The following PLEKHA7 variants were observed in gnomAD, a reference collection of about 807,000 sequenced individuals.
The protein encoded by PLEKHA7 is pleckstrin homology domain containing A7, also known as pleckstrin homology domain-containing family A member 7.
Under a neutral mutation model 170.0 loss-of-function variants are expected in PLEKHA7, and 104 were observed. That is an observed-to-expected ratio of 0.61 (90% CI 0.52 to 0.72). PLEKHA7 has a LOEUF of 0.72. Ranked by LOEUF, PLEKHA7 falls within the 30% of genes least tolerant of loss-of-function variation. The probability of loss-of-function intolerance (pLI) is 0.00; values close to 1 mark genes in which losing one functional copy is unlikely to be tolerated. For synonymous variants in PLEKHA7, 648 were observed against 660.8 expected (o/e 0.98, Z 0.30); for missense variants, 1,615 against 1,671.7 (o/e 0.97, Z 0.59).
chr11:16,959,080 TTTTTG>T lies in PLEKHA7; in HGVS notation c.221+54904_221+54908del, dbSNP rs1861884284. On this transcript the variant is annotated intron_variant, in intron 3 of 26. Transcript: ENST00000531066. ...ACACCACTGTTGTTTCGTTTTTTGT[TTTTTG>T]TTTTAACTTTTATTTTAGGTTTGTG... is the stretch of plus-strand genomic sequence containing the variant. 3.3e-5 allele frequency among the ~76,000 whole-genome samples: 5 copies of T among 152,336 alleles called. No homozygotes were observed. The South Asian group carries it at 1.0e-3, about 32-fold the overall frequency.
intron 3 of PLEKHA7, among the ~76,000 whole-genome samples, chr11:16,969,913 T>C (rs1862605315): frequency 3.3e-5 from 5 of 152,182 alleles, no homozygotes; most frequent in Admixed American, 3.3e-4. Context: ...AGCTTACTAG[T>C]ACATACACTA....
intron 3 of PLEKHA7, among the ~76,000 whole-genome samples, chr11:16,874,935 G>C (rs531945320): frequency 6.6e-6 from 1 of 152,122 alleles, no homozygotes; most frequent in South Asian, 2.1e-4. Context: ...TGGGCTCCCC[G>C]TCCCAACCTG....
chr11:16,906,292 T>C (rs1026064046), intron 3 of PLEKHA7, among the ~76,000 whole-genome samples: 13 of 78,876 alleles, frequency 1.6e-4, no homozygotes, highest in Admixed American at 1.2e-3. Flanking sequence ...AGAAAGAAAA[T>C]TGGAAAGGCT....
intron 3 of PLEKHA7, among the ~76,000 whole-genome samples, chr11:17,002,811 C>G (rs1041066363): frequency 2.0e-5 from 3 of 151,930 alleles, no homozygotes; most frequent in Non-Finnish European, 4.4e-5. Flanking sequence ...AGAGGTAAAC[C>G]AGGGGCCACT....
chr11:16,786,400 CA>C lies in PLEKHA7; in HGVS notation c.3358-14del. ...GCTCACGCTTCCACTGGCAACAGAA[CA>C]AGAGGTTAAACGTAGTCGCTTCCTG... On this transcript the variant is annotated splice_polypyrimidine_tract_variant and intron_variant, in intron 23 of 26. Coordinates refer to ENST00000531066, the MANE Select transcript of PLEKHA7 (RefSeq NM_001329630.2). The C allele has an allele frequency of 6.5e-7, 1 of 1,536,094 alleles. No homozygotes were observed. Among genetic ancestry groups the C allele is most frequent in the Non-Finnish European group, 8.7e-7 (1 of 1,146,888 alleles).
intron 4 of PLEKHA7, among the ~76,000 whole-genome samples, chr11:16,868,416 A>G (rs985903935): frequency 1.1e-4 from 17 of 152,138 alleles, no homozygotes; most frequent in African/African-American, 4.1e-4. Flanking sequence ...TATTCCAAGC[A>G]TCTCAGGTGA....
intron 3 of PLEKHA7, among the ~76,000 whole-genome samples, chr11:16,992,360 C>A (rs1422247797): frequency 6.6e-6 from 1 of 152,240 alleles, no homozygotes; most frequent in Non-Finnish European, 1.5e-5. Flanking sequence ...AGCCCTGGCT[C>A]TACTACCTCC....
chr11:17,007,635 G>A (rs1455628728), intron 3 of PLEKHA7, among the ~76,000 whole-genome samples: 4 of 148,404 alleles, frequency 2.7e-5, no homozygotes, highest in African/African-American at 7.5e-5. Flanking sequence ...GTGCAGTGGC[G>A]TGAGCTCAGT....
chr11:16,883,346 C>T (rs1467600449), intron 3 of PLEKHA7, among the ~76,000 whole-genome samples: 1 of 152,192 alleles, frequency 6.6e-6, no homozygotes, highest in Non-Finnish European at 1.5e-5. Flanking sequence ...GAATTAGTGA[C>T]AGCTATCTTG....
chr11:16,905,291 G>A (rs1052430353), intron 3 of PLEKHA7, among the ~76,000 whole-genome samples: 3 of 152,096 alleles, frequency 2.0e-5, no homozygotes, highest in African/African-American at 4.8e-5. Flanking sequence ...TAAAATAAAT[G>A]TTATTTCCCC....
intron 13 of PLEKHA7, 62 bp downstream of exon 13, chr11:16,813,051 G>A: frequency 6.7e-7 from 1 of 1,481,554 alleles, no homozygotes. Flanking sequence ...CTTGGCTCCA[G>A]TGAGGTGACA....
chr11:16,806,016 G>A (rs1057094682), intron 13 of PLEKHA7, among the ~76,000 whole-genome samples: 3 of 152,140 alleles, frequency 2.0e-5, no homozygotes, highest in Admixed American at 6.5e-5. Context: ...TTGCTCATTT[G>A]TCTCTCCTCA....
chr11:16,852,244 G>A, intron 7 of PLEKHA7, 39 bp downstream of exon 7: 1 of 1,586,466 alleles, frequency 6.3e-7, no homozygotes, highest in Non-Finnish European at 8.6e-7. Flanking sequence ...ATGTAAAACT[G>A]AACACTTCGG....
At position 16,816,183 on chromosome 11, in the gene PLEKHA7, T is replaced by C. The variant is rs764735866; in HGVS notation, c.1948A>G (p.Lys650Glu). 28 of 1,611,670 alleles carry C rather than the reference T, an allele frequency of 1.7e-5. No individual in the cohort carries two copies. Among genetic ancestry groups the C allele is most frequent in the Non-Finnish European group, 2.4e-5 (28 of 1,177,758 alleles). ...HTVSAPSLHG[K>E]SADDTYLQLK... ...TGTCTTGTCATTCACCCTACCGATT[T>C]TCCATGTAAACTGGGAGCGCTGACG... The change falls in exon 12 of 27, where the codon AAA (lysine) becomes GAA (glutamate). Residue 650 changes from lysine (K) to glutamate (E), a missense_variant. Lys to Glu is a moderately conservative substitution (Grantham distance 56, BLOSUM62 1). Coordinates refer to ENST00000531066, the MANE Select transcript of PLEKHA7 (RefSeq NM_001329630.2).
intron 3 of PLEKHA7, among the ~76,000 whole-genome samples, chr11:16,879,798 C>A (rs1855575515): frequency 6.6e-6 from 1 of 152,192 alleles, no homozygotes; most frequent in Admixed American, 6.5e-5. Flanking sequence ...GATTTGCAAA[C>A]CTCTACATTT....
At chr11:16,975,824 T>C (rs1307476270) in intron 3 of PLEKHA7, among the ~76,000 whole-genome samples, 4 of 152,244 alleles carry the variant, frequency 2.6e-5, no homozygotes, top group Admixed American at 2.0e-4. Flanking sequence ...AGTAACTTTA[T>C]GACTTTTTTA....
intron 3 of PLEKHA7, among the ~76,000 whole-genome samples, chr11:16,889,737 G>A (rs1443967872): frequency 6.6e-6 from 1 of 152,146 alleles, no homozygotes; most frequent in African/African-American, 2.4e-5. Flanking sequence ...GTTTGAAAGA[G>A]TAATTCAAGA....
chr11:16,978,734 G>T (rs564740469), intron 3 of PLEKHA7, among the ~76,000 whole-genome samples: 1 of 152,250 alleles, frequency 6.6e-6, no homozygotes, highest in East Asian at 1.9e-4. Context: ...TTACTACCCT[G>T]GAAGGACGGA....
At chr11:16,851,733 G>A (rs979393266) in intron 7 of PLEKHA7, among the ~76,000 whole-genome samples, 2 of 152,114 alleles carry the variant, frequency 1.3e-5, no homozygotes, top group African/African-American at 4.8e-5. Context: ...ACAGGTGTGA[G>A]CCACAGTGCC....
Sources: gnomAD v4.1 joint callset for allele counts (sites outside exome capture counted in the v4.1 genomes callset) on GRCh38, gnomAD v4.1.1 for gene constraint, MANE v1.5 for transcripts, NCBI Gene and HGNC (gene_info 2026-07-23, HGNC 2026-07-21) for gene names.